The following KANTR variants were observed in gnomAD, a reference collection of about 807,000 sequenced individuals.
KANTR encodes the protein KANTR integral membrane protein.
chrX:53,133,319 A>G (rs933923090), intron 2 of KANTR, among the ~76,000 whole-genome samples: 2 of 107,781 alleles, frequency 1.9e-5, no homozygotes, highest in African/African-American at 6.8e-5. Context: ...GTGAACCGAG[A>G]TTGTACCGCT....
exon 3 of KANTR, chrX:53,124,792 GACA>G (rs1217420946): frequency 1.3e-5 from 2 of 159,795 alleles, no homozygotes; most frequent in African/African-American, 3.0e-5. Context: ...TGGTTTGTGT[GACA>G]ACAACTCTGA....
intron 2 of KANTR, among the ~76,000 whole-genome samples, chrX:53,121,034 T>C (rs1182119660): frequency 9.4e-6 from 1 of 106,058 alleles, no homozygotes; most frequent in Non-Finnish European, 1.9e-5. Context: ...AGTCTCGCTC[T>C]GTCTCCTAGT....
At chrX:53,127,742 G>A (rs1479825057), downstream of KANTR, among the ~76,000 whole-genome samples, 1 of 111,372 alleles carries the variant, frequency 9.0e-6, no homozygotes, top group Admixed American at 9.6e-5. Flanking sequence ...CGTGCTGCCT[G>A]TTACCTGGTG....
chrX:53,129,235 TTGTGTGTGTGTG>T (rs57493383), downstream of KANTR, among the ~76,000 whole-genome samples: 105 of 83,353 alleles, frequency 1.3e-3, no homozygotes, highest in Admixed American at 4.3e-3. Context: ...GCCTGGCTAT[TTGTGTGTGTGTG>T]TGTGTGTGTG....
chrX:53,146,023 G>C (rs1556819289), downstream of KANTR, among the ~76,000 whole-genome samples: 1 of 111,186 alleles, frequency 9.0e-6, no homozygotes, highest in East Asian at 2.8e-4. Flanking sequence ...AAAGACCAAA[G>C]GTAGATAAAA....
intron 2 of KANTR, among the ~76,000 whole-genome samples, chrX:53,117,624 T>G (rs1556814849): frequency 2.1e-5 from 2 of 97,401 alleles, no homozygotes; most frequent in African/African-American, 7.6e-5. Flanking sequence ...TTTTTTTTTT[T>G]TTTTTTTTTT....
chrX:53,108,236 CTG>C (rs1556813169), intron 2 of KANTR, among the ~76,000 whole-genome samples: 1 of 106,864 alleles, frequency 9.4e-6, no homozygotes, highest in East Asian at 2.9e-4. Flanking sequence ...GAGTCCCACT[CTG>C]TCACCCAGGC....
At chrX:53,143,780 C>T, downstream of KANTR, 1 of 530,280 alleles carries the variant, frequency 1.9e-6, no homozygotes, top group South Asian at 2.3e-5. Context: ...CCCATGCCCA[C>T]CATCACACCC....
At chrX:53,108,402 A>G (rs1459196809) in intron 2 of KANTR, among the ~76,000 whole-genome samples, 1 of 109,695 alleles carries the variant, frequency 9.1e-6, no homozygotes, top group African/African-American at 3.3e-5. Flanking sequence ...GGGTTTTGCC[A>G]TGTTGGCCAG....
chrX:53,098,777 G>A (rs935405301), intron 1 of KANTR, among the ~76,000 whole-genome samples: 24 of 110,163 alleles, frequency 2.2e-4, no homozygotes, highest in African/African-American at 7.6e-4. Context: ...CCAGGCTAGA[G>A]TGTAGTGGCG....
chrX:53,100,571 G>A (rs993066373), intron 2 of KANTR, among the ~76,000 whole-genome samples: 8 of 111,391 alleles, frequency 7.2e-5, no homozygotes, highest in Admixed American at 6.7e-4. Flanking sequence ...AGGCAGAGGC[G>A]GGCGGGTCAC....
chrX:53,146,715 C>T (rs1336267210), downstream of KANTR, among the ~76,000 whole-genome samples: 2 of 111,574 alleles, frequency 1.8e-5, no homozygotes, highest in Non-Finnish European at 3.8e-5. Context: ...TAAGGGCAGC[C>T]AGAGAGAAAG....
chrX:53,147,309 G>A (rs1933590747), downstream of KANTR, among the ~76,000 whole-genome samples: 1 of 111,429 alleles, frequency 9.0e-6, no homozygotes, highest in African/African-American at 3.3e-5. Context: ...AAAGGCAGGG[G>A]TTGCAATCCT....
At chrX:53,143,775 G>T, downstream of KANTR, 1 of 538,268 alleles carries the variant, frequency 1.9e-6, no homozygotes. Flanking sequence ...TCTGGCCCAT[G>T]CCCACCATCA....
intron 2 of KANTR, among the ~76,000 whole-genome samples, chrX:53,121,798 T>C (rs1275613785): frequency 3.6e-5 from 4 of 111,803 alleles, no homozygotes; most frequent in East Asian, 5.6e-4. Context: ...GCCTTTCTTA[T>C]CAGATCATAT....
At chrX:53,136,693 CATATATATATATAT>C (rs58263602) in intron 2 of KANTR, among the ~76,000 whole-genome samples, 394 of 9,297 alleles carry the variant, frequency 0.042, 47 homozygotes, top group Admixed American at 0.07. Context: ...CCACGCCCGG[CATATATATATATAT>C]ATATATATAT....
At chrX:53,104,177 A>C (rs1932918835) in intron 2 of KANTR, among the ~76,000 whole-genome samples, 1 of 109,763 alleles carries the variant, frequency 9.1e-6, no homozygotes, top group Admixed American at 9.9e-5. Flanking sequence ...AATAATAATA[A>C]ATATTATTAT....
intron 2 of KANTR, chrX:53,113,199 C>T (rs1602119107): frequency 9.0e-6 from 2 of 222,690 alleles, no homozygotes; most frequent in East Asian, 2.5e-4. Context: ...CCCTTATCAA[C>T]GTTCTTCATG....
intron 2 of KANTR, among the ~76,000 whole-genome samples, chrX:53,114,849 G>A (rs1933098897): frequency 1.8e-5 from 2 of 110,795 alleles, no homozygotes; most frequent in African/African-American, 6.6e-5. Context: ...CAGTCCACAG[G>A]AGTTGGTTTG....
Sources: allele counts gnomAD v4.1 joint callset (sites outside exome capture counted in the v4.1 genomes callset), GRCh38; gene constraint gnomAD v4.1.1; transcripts MANE v1.5; gene names NCBI Gene and HGNC (gene_info 2026-07-23, HGNC 2026-07-21).